CSMD1: variants seen among roughly 807,000 people sequenced by gnomAD.
CSMD1 encodes CUB and Sushi multiple domains 1.
CSMD1 carries 213 observed loss-of-function variants against 417.5 expected under a neutral mutation model. The observed-to-expected ratio is 0.51, with a 90% CI of 0.46 to 0.57. CSMD1 has a LOEUF of 0.57. CSMD1 is among the 20% of genes least tolerant of loss of function. The pLI is 0.00. For synonymous variants in CSMD1, 2,862 were observed against 1,736.8 expected (o/e 1.65, Z -16.11); for missense variants, 6,923 against 4,529.7 (o/e 1.53, Z -15.17).
At chr8:3,467,614 C>A (rs533305517) in intron 12 of CSMD1, among the ~76,000 whole-genome samples, 1 of 152,220 alleles carries the variant, frequency 6.6e-6, no homozygotes, top group South Asian at 2.1e-4. Flanking sequence ...AAGGAGGGAC[C>A]CTATTTTATG....
intron 6 of CSMD1, among the ~76,000 whole-genome samples, chr8:3,728,258 C>G (rs1802612283): frequency 6.6e-6 from 1 of 152,168 alleles, no homozygotes; most frequent in South Asian, 2.1e-4. Context: ...TTCTTATTCT[C>G]TCTTTGCCGC....
intron 1 of CSMD1, among the ~76,000 whole-genome samples, chr8:4,703,691 T>C (rs140835292): frequency 7.6e-4 from 116 of 152,304 alleles, no homozygotes; most frequent in African/African-American, 2.8e-3. Context: ...TAGCATTGCC[T>C]GCGACCTTGA....
chr8:3,129,436 C>T (rs1187968503), intron 41 of CSMD1, among the ~76,000 whole-genome samples: 1 of 152,050 alleles, frequency 6.6e-6, no homozygotes, highest in African/African-American at 2.4e-5. Flanking sequence ...ATAGACATGG[C>T]CTTAATAACC....
rs147685774 is a variant in CSMD1, at chr8:4,423,472, G to A, written c.303-3407C>T. Reference sequence around the variant, plus strand: ...ATCAATCACAACAGCTCAAAGAAAAGCTTCTGTATAAATACAATAAGATAA... The same window carrying A: ...ATCAATCACAACAGCTCAAAGAAAAACTTCTGTATAAATACAATAAGATAA... On this transcript the variant is annotated intron_variant, in intron 2 of 69. Transcript: ENST00000635120. Among the ~76,000 whole-genome samples the A allele has an allele frequency of 1.5e-3, 230 of 152,130 alleles. 1 individual carries two copies. The highest frequency in any genetic ancestry group is 4.9e-3 in the African/African-American group (204 of 41,562).
At chr8:4,073,073 T>A (rs1419225102) in intron 3 of CSMD1, among the ~76,000 whole-genome samples, 2 of 152,210 alleles carry the variant, frequency 1.3e-5, no homozygotes, top group Non-Finnish European at 2.9e-5. Context: ...ATTCTGGTTT[T>A]CTCTTTATGA....
At chr8:3,796,006 ATATAGATATATATCATG>A (rs1204748639) in intron 5 of CSMD1, among the ~76,000 whole-genome samples, 92 of 63,188 alleles carry the variant, frequency 1.5e-3, no homozygotes, top group Non-Finnish European at 2.0e-3. Flanking sequence ...TCTATCATGT[ATATAGATATATATCATG>A]TATAGATATA....
At chr8:3,784,798 G>T (rs1290841410) in intron 5 of CSMD1, among the ~76,000 whole-genome samples, 1 of 152,110 alleles carries the variant, frequency 6.6e-6, no homozygotes, top group African/African-American at 2.4e-5. Context: ...ACATCATGTT[G>T]CATATCACAA....
In CSMD1 at chr8:4,052,460, G is replaced by A. The variant is rs74318445; in HGVS notation, c.416-20361C>T. On this transcript the variant is annotated intron_variant, in intron 3 of 69. Transcript: ENST00000635120. ...GTAGTGAGGGGTGATTTTGCCCACT[G>A]CAAGATGGATAATCTTTACCCAGGG... Among the ~76,000 whole-genome samples, 1,201 of 152,278 alleles carry A rather than the reference G, an allele frequency of 7.9e-3. 20 individuals carry two copies. Among genetic ancestry groups the A allele is most frequent in the African/African-American group, 0.028 (1,151 of 41,552 alleles).
chr8:4,064,880 TG>T (rs1799165067), intron 3 of CSMD1, among the ~76,000 whole-genome samples: 1 of 152,098 alleles, frequency 6.6e-6, no homozygotes, highest in Non-Finnish European at 1.5e-5. Context: ...TGTATCTACA[TG>T]GGTTTCCTCA....
chr8:4,486,142 CATATATATATAT>C lies in CSMD1; in HGVS notation c.303-66089_303-66078del, dbSNP rs34170550. Among the ~76,000 whole-genome samples the C allele has an allele frequency of 5.7e-3, 191 of 33,486 alleles. 10 individuals are homozygous for C. The highest frequency in any genetic ancestry group is 0.021 in the African/African-American group (182 of 8,694). The allele number at this position is 33,486 out of a possible 152,430, so 22.0% of individuals were successfully genotyped here. On this transcript the variant is annotated intron_variant, in intron 2 of 69. Transcript: ENST00000635120. ...ACATACATATATATATATATACATA[CATATATATATAT>C]ATACATACATATATATATATACATA...
Position 3,383,312 on chromosome 8 carries a change from T to A in CSMD1, c.2782+4182A>T, listed in dbSNP as rs117581118. Among the ~76,000 whole-genome samples, 583 of 152,308 alleles carry A rather than the reference T, an allele frequency of 3.8e-3. 16 individuals are homozygous for A. In the East Asian group the frequency reaches 0.065, roughly 17 times the overall value. ...AATAAAGCTGTTAAAATGTTTAAAG[T>A]TTTTAGGAGAGAACAACAGAATGTC... is the stretch of plus-strand genomic sequence containing the variant. On this transcript the variant is annotated intron_variant, in intron 18 of 69. Transcript: ENST00000635120.
chr8:4,055,659 A>T (rs1358963700), intron 3 of CSMD1, among the ~76,000 whole-genome samples: 1 of 152,142 alleles, frequency 6.6e-6, no homozygotes, highest in African/African-American at 2.4e-5. Context: ...TGTTTAATGT[A>T]ATTATAAATG....
chr8:3,692,679 T>A (rs1296469192), intron 7 of CSMD1, among the ~76,000 whole-genome samples: 2 of 152,106 alleles, frequency 1.3e-5, no homozygotes, highest in Non-Finnish European at 2.9e-5. Flanking sequence ...ATGATCTGCC[T>A]GCCTCGGCCT....
At chr8:3,211,038 C>A (rs904228823) in intron 30 of CSMD1, among the ~76,000 whole-genome samples, 2 of 151,868 alleles carry the variant, frequency 1.3e-5, no homozygotes, top group African/African-American at 4.8e-5. Flanking sequence ...GAATTTTTAC[C>A]CAAAATTACA....
chr8:3,321,499 T>C (rs1338364145), intron 23 of CSMD1, among the ~76,000 whole-genome samples: 2 of 152,150 alleles, frequency 1.3e-5, no homozygotes, highest in Non-Finnish European at 2.9e-5. Context: ...GCTCTGCGTG[T>C]ATCTAATTCT....
chr8:4,062,927 AT>A (rs1232779552), intron 3 of CSMD1, among the ~76,000 whole-genome samples: 4 of 151,660 alleles, frequency 2.6e-5, no homozygotes, highest in Non-Finnish European at 5.9e-5. Context: ...AAAAAAAAAA[AT>A]TCTTCTATAT....
chr8:4,569,977 C>T (rs1009480711), intron 2 of CSMD1, among the ~76,000 whole-genome samples: 5 of 152,250 alleles, frequency 3.3e-5, no homozygotes, highest in African/African-American at 1.2e-4. Context: ...GTGATTTTTG[C>T]ACATTGATTT....
At chr8:4,964,974 C>T (rs960122421) in intron 1 of CSMD1, among the ~76,000 whole-genome samples, 5 of 152,114 alleles carry the variant, frequency 3.3e-5, no homozygotes, top group Non-Finnish European at 7.3e-5. Context: ...CTATTGATTC[C>T]TTTTGCTTTG....
At chr8:4,295,989 A>G (rs1389468786) in intron 3 of CSMD1, among the ~76,000 whole-genome samples, 1 of 151,870 alleles carries the variant, frequency 6.6e-6, no homozygotes, top group African/African-American at 2.4e-5. Flanking sequence ...AACAAAAACA[A>G]AAACCTAAAG....
Sources: allele counts gnomAD v4.1 joint callset (sites outside exome capture counted in the v4.1 genomes callset), GRCh38; gene constraint gnomAD v4.1.1; transcripts MANE v1.5; gene names NCBI Gene and HGNC (gene_info 2026-07-23, HGNC 2026-07-21).